The following FBXL22 variants were observed in gnomAD, a reference collection of about 807,000 sequenced individuals.
FBXL22 encodes the protein F-box and leucine rich repeat protein 22.
A neutral mutation model predicts 11.7 loss-of-function variants in FBXL22; 13 were observed. The ratio of observed to expected loss-of-function variants is 1.11; its 90% CI spans 0.73 to 1.77. FBXL22 has a LOEUF of 1.77. Ranked by LOEUF, FBXL22 falls within the 40% of genes most tolerant of loss-of-function variation. The pLI, the probability that FBXL22 is intolerant of heterozygous loss-of-function variation, is 0.00. For missense variants in FBXL22, 406 were observed against 320.4 expected, an observed-to-expected ratio of 1.27 and a Z score of -2.04; for synonymous variants, 160 against 144.1, an observed-to-expected ratio of 1.11 and a Z score of -0.79.
At chr15:63,599,126 A>C (rs1298658166) in intron 1 of FBXL22, 2 of 1,342,380 alleles carry the variant, frequency 1.5e-6, no homozygotes, top group Admixed American at 4.0e-5. Context: ...TCTTCTATAA[A>C]ATGTGCTAAA....
chr15:63,601,436 G>C (rs761531224), downstream of FBXL22: 8 of 1,580,126 alleles, frequency 5.1e-6, no homozygotes, highest in East Asian at 1.8e-4. Flanking sequence ...GGGGTGACGG[G>C]GGCCAGGGCT....
chr15:63,598,821 G>C (rs969785421), intron 1 of FBXL22, among the ~76,000 whole-genome samples: 1 of 152,216 alleles, frequency 6.6e-6, no homozygotes. Flanking sequence ...CTATTTTGAT[G>C]GGCTTAACAA....
chr15:63,600,294 A>G (rs1352394305), intron 1 of FBXL22: 16 of 1,006,620 alleles, frequency 1.6e-5, no homozygotes, highest in Non-Finnish European at 1.7e-5. Context: ...CCTCAGCTTG[A>G]AGCTAGACTG....
downstream of FBXL22, among the ~76,000 whole-genome samples, chr15:63,602,585 CAAAAAAA>C (rs35457809): frequency 2.9e-4 from 22 of 74,598 alleles, no homozygotes; most frequent in Admixed American, 1.5e-3. Context: ...ACTCTTGTCT[CAAAAAAA>C]AAAAAAAAAA....
chr15:63,605,376 T>C (rs2067408162), downstream of FBXL22, among the ~76,000 whole-genome samples: 1 of 152,124 alleles, frequency 6.6e-6, no homozygotes, highest in Admixed American at 6.5e-5. Context: ...GACTGGGGGA[T>C]AGGGGGAGGT....
chr15:63,600,757 G>A lies in FBXL22; in HGVS notation c.414G>A (p.Leu138=), dbSNP rs1014722671. Residue 138 remains leucine (L), a synonymous_variant, in exon 2 of 2, where the codon CTG becomes CTA. Coordinates refer to ENST00000638704, the MANE Select transcript of FBXL22 (RefSeq NM_001367807.1). The part of the protein sequence containing the change: ...SGCGHVTDDC[L]ARLLRCCPRL... The stretch of plus-strand genomic sequence containing the variant: ...GCGGCCACGTTACCGACGACTGCCT[G>A]GCGCGCCTGCTGCGCTGCTGCCCAC... The A allele has an allele frequency of 1.5e-5, 19 of 1,231,342 alleles. No individual in the cohort carries two copies. Among genetic ancestry groups the A allele is most frequent in the Non-Finnish European group, 1.7e-5 (17 of 987,756 alleles). 76.3% of individuals were successfully genotyped at this position (1,231,342 alleles called of 1,614,324 possible).
chr15:63,604,951 C>G (rs2067406192), downstream of FBXL22, among the ~76,000 whole-genome samples: 1 of 152,014 alleles, frequency 6.6e-6, no homozygotes, highest in Non-Finnish European at 1.5e-5. Flanking sequence ...ACTTGGGAGG[C>G]TGAGATGGGA....
the FBXL22 span, among the ~76,000 whole-genome samples, chr15:63,607,478 C>G: frequency 3.3e-5 from 5 of 152,238 alleles, no homozygotes. Flanking sequence ...ACCCAGAACT[C>G]CTGGGGTTCC....
intron 1 of FBXL22, chr15:63,599,024 G>A: frequency 3.1e-6 from 2 of 646,690 alleles, no homozygotes; most frequent in Non-Finnish European, 2.7e-6. Context: ...AAAGAGCAAA[G>A]GGCTTTGCTG....
At chr15:63,605,042 A>G (rs2067406813), downstream of FBXL22, among the ~76,000 whole-genome samples, 1 of 152,170 alleles carries the variant, frequency 6.6e-6, no homozygotes, top group African/African-American at 2.4e-5. Flanking sequence ...TGCGCAGCTG[A>G]GCAAGACTCC....
downstream of FBXL22, among the ~76,000 whole-genome samples, chr15:63,607,266 C>T (rs937387471): frequency 2.6e-5 from 4 of 152,112 alleles, no homozygotes; most frequent in Non-Finnish European, 4.4e-5. Flanking sequence ...AGGATGGTCT[C>T]GATCTCCTGA....
At chr15:63,604,335 A>G (rs2067403523), downstream of FBXL22, among the ~76,000 whole-genome samples, 1 of 152,102 alleles carries the variant, frequency 6.6e-6, no homozygotes, top group Non-Finnish European at 1.5e-5. Context: ...CCCCTTTCCC[A>G]TGGAAGCTCT....
intron 1 of FBXL22, chr15:63,600,415 G>A: frequency 8.4e-7 from 1 of 1,184,934 alleles, no homozygotes; most frequent in Non-Finnish European, 1.0e-6. Flanking sequence ...AGCCGCCCCA[G>A]GACTCTGCTG....
downstream of FBXL22, among the ~76,000 whole-genome samples, chr15:63,603,477 T>G (rs1238133799): frequency 2.0e-5 from 3 of 152,182 alleles, no homozygotes; most frequent in Non-Finnish European, 4.4e-5. Context: ...TTTGTTTGGT[T>G]ATGGTAAGGG....
At chr15:63,600,497 G>A in intron 1 of FBXL22, 200 bp from the exon 2 acceptor site, 8 of 1,226,724 alleles carry the variant, frequency 6.5e-6, no homozygotes, top group Non-Finnish European at 8.1e-6. Flanking sequence ...TGAAGGTACG[G>A]TGGGGTGCAG....
At chr15:63,603,111 A>G (rs1236196542), downstream of FBXL22, among the ~76,000 whole-genome samples, 1 of 152,176 alleles carries the variant, frequency 6.6e-6, no homozygotes, top group African/African-American at 2.4e-5. Flanking sequence ...TTCAGTGGCT[A>G]ATCTTGAGAC....
In FBXL22 at chr15:63,600,967, C is replaced by G. The variant is rs1446147133; in HGVS notation, c.624C>G (p.Ala208=). The change falls in exon 2 of 2, where the codon GCC becomes GCG. Residue 208 remains alanine (A), a synonymous_variant. Coordinates refer to ENST00000638704, the MANE Select transcript of FBXL22 (RefSeq NM_001367807.1). Reference sequence around the variant, plus strand: ...TGGCCCTGCGGGCAGAGCACAGCGCCGCCATGCTGCCCGACCAGCCCCCGC... The same window carrying G: ...TGGCCCTGCGGGCAGAGCACAGCGCGGCCATGCTGCCCGACCAGCCCCCGC... The part of the protein sequence containing the change: ...PRLALRAEHS[A]AMLPDQPPRP... 2.0e-5 allele frequency: 24 copies of G among 1,193,238 alleles called. No homozygotes were observed. The highest frequency in any genetic ancestry group is 2.5e-5 in the Non-Finnish European group (24 of 963,286). The allele number at this position is 1,193,238 out of a possible 1,614,324, so 73.9% of individuals were successfully genotyped here.
chr15:63,602,042 T>C (rs1417317816), downstream of FBXL22: 3 of 253,136 alleles, frequency 1.2e-5, no homozygotes, highest in Non-Finnish European at 2.3e-5. Context: ...TCTGGGTGGG[T>C]GGAAGAGGCG....
chr15:63,602,586 A>AG (rs2067387786), downstream of FBXL22, among the ~76,000 whole-genome samples: 3 of 28,208 alleles, frequency 1.1e-4, no homozygotes, highest in African/African-American at 3.4e-4. Flanking sequence ...CTCTTGTCTC[A>AG]AAAAAAAAAA....
Sources: allele counts gnomAD v4.1 joint callset (sites outside exome capture counted in the v4.1 genomes callset), GRCh38; gene constraint gnomAD v4.1.1; transcripts MANE v1.5; gene names NCBI Gene and HGNC (gene_info 2026-07-23, HGNC 2026-07-21).